Variants in EPC1 observed in about 807,000 individuals in gnomAD.
The protein encoded by EPC1 is enhancer of polycomb homolog 1.
EPC1 carries 12 observed loss-of-function variants against 98.4 expected under a neutral mutation model. The observed-to-expected ratio is 0.12, with a 90% CI of 0.08 to 0.20. The LOEUF (loss-of-function observed/expected upper bound fraction) is 0.20. Ranked by LOEUF, EPC1 falls within the 10% of genes least tolerant of loss-of-function variation. The pLI, the probability that EPC1 is intolerant of heterozygous loss-of-function variation, is 1.00. For synonymous variants in EPC1, 357 were observed against 363.9 expected, an observed-to-expected ratio of 0.98 and a Z score of 0.21; for missense variants, 729 against 990.5, an observed-to-expected ratio of 0.74 and a Z score of 3.54.
At chr10:32,362,122 C>A (rs1839460154) in intron 1 of EPC1, among the ~76,000 whole-genome samples, 1 of 152,092 alleles carries the variant, frequency 6.6e-6, no homozygotes, top group African/African-American at 2.4e-5. Flanking sequence ...TGTGGAGTAG[C>A]CATTCTTTTA....
intron 10 of EPC1, among the ~76,000 whole-genome samples, chr10:32,280,460 G>C (rs1332655048): frequency 1.4e-5 from 2 of 147,782 alleles, no homozygotes; most frequent in Non-Finnish European, 3.0e-5. Context: ...CAAAAAAAAG[G>C]CCAGGCACGG....
intron 1 of EPC1, among the ~76,000 whole-genome samples, chr10:32,308,311 A>G (rs903902236): frequency 6.6e-6 from 1 of 152,008 alleles, no homozygotes; most frequent in Non-Finnish European, 1.5e-5. Flanking sequence ...AATCGCTTGA[A>G]TCTGGGAGGC....
At chr10:32,339,925 ATGCTC>A (rs1838233508) in intron 1 of EPC1, among the ~76,000 whole-genome samples, 1 of 152,150 alleles carries the variant, frequency 6.6e-6, no homozygotes, top group African/African-American at 2.4e-5. Flanking sequence ...TGCTATTTGG[ATGCTC>A]AGAGGATATA....
chr10:32,271,939 C>T (rs575154295), intron 12 of EPC1, 22 bp from the exon 13 acceptor site: 1 of 1,605,192 alleles, frequency 6.2e-7, no homozygotes, highest in South Asian at 1.1e-5. Context: ...AAGAAAGAAA[C>T]ATCTAAACAA....
intron 6 of EPC1, among the ~76,000 whole-genome samples, chr10:32,288,528 T>G (rs1195111498): frequency 6.6e-6 from 1 of 151,908 alleles, no homozygotes; most frequent in East Asian, 2.0e-4. Flanking sequence ...TTTTTGTATT[T>G]TTAGTAGAGA....
Position 32,364,001 on chromosome 10 carries a change from C to CT in EPC1, c.3+14489_3+14490insA, listed in dbSNP as rs770520611. Among the ~76,000 whole-genome samples, 16 of 61,842 alleles carry CT rather than the reference C, an allele frequency of 2.6e-4. 7 individuals carry two copies. Among genetic ancestry groups the CT allele is most frequent in the Admixed American group, 9.7e-4 (4 of 4,118 alleles). The allele number at this position is 61,842 out of a possible 152,430, so 40.6% of individuals were successfully genotyped here. On this transcript the variant is annotated intron_variant, in intron 1 of 13. Coordinates refer to the EPC1 transcript ENST00000375110. ...AATAGTATCGTGTCCATCATGTTGG[C>CT]ATTTTTTTTTTTTTTTTTTTTTTTT...
intron 2 of EPC1, among the ~76,000 whole-genome samples, chr10:32,301,423 G>A (rs1426946096): frequency 6.6e-6 from 1 of 152,114 alleles, no homozygotes; most frequent in East Asian, 1.9e-4. Flanking sequence ...TGTAGACATA[G>A]ACAAGTTTAT....
At chr10:32,325,461 C>T (rs1837216645) in intron 1 of EPC1, among the ~76,000 whole-genome samples, 1 of 152,116 alleles carries the variant, frequency 6.6e-6, no homozygotes. Context: ...CTTTAATTTC[C>T]ACAGGAAGGG....
At chr10:32,372,093 CCT>C (rs1839766835) in intron 1 of EPC1, among the ~76,000 whole-genome samples, 1 of 152,168 alleles carries the variant, frequency 6.6e-6, no homozygotes, top group South Asian at 2.1e-4. Context: ...TGGCAGACAG[CCT>C]CTGATACTCT....
In EPC1 at chr10:32,308,707, T is replaced by C. The variant is rs1026703226; in HGVS notation, c.154-2776A>G. On this transcript the variant is annotated intron_variant, in intron 1 of 13. Transcript: ENST00000319778. ...AGAATGTAAATTAGTACAGCCACTA[T>C]GGAAAACAGTATGGAAGTCCCTCAA... 8.5e-5 allele frequency among the ~76,000 whole-genome samples: 13 copies of C among 152,282 alleles called. No individual in the cohort carries two copies. In the East Asian group the frequency reaches 1.7e-3, roughly 20 times the overall value.
intron 1 of EPC1, among the ~76,000 whole-genome samples, chr10:32,365,803 A>G (rs1166673447): frequency 2.4e-5 from 3 of 127,448 alleles, no homozygotes; most frequent in Non-Finnish European, 4.8e-5. Context: ...TGGGCAACAG[A>G]GAGAGCTCCG....
In EPC1 at chr10:32,271,794, C is replaced by T; in HGVS notation, c.2129G>A (p.Ser710Asn). 1 of 1,614,184 alleles carries T rather than the reference C, an allele frequency of 6.2e-7. No individual in the cohort carries two copies. Among genetic ancestry groups the T allele is most frequent in the Admixed American group, 1.7e-5 (1 of 60,020 alleles). Reference sequence around the variant, plus strand: ...AGCAGTTACTTGATGACTCAGTGCACTGTGGGAACTTGAAGTCTGTGTAAT... The same window carrying T: ...AGCAGTTACTTGATGACTCAGTGCATTGTGGGAACTTGAAGTCTGTGTAAT... ...SNITQTSSSH[S>N]ALSHQVTAAN... Residue 710 changes from serine (S) to asparagine (N), a missense_variant, in exon 13 of 14, where the codon AGT becomes AAT. Physicochemically the swap from Ser to Asn is conservative, Grantham distance 46. This residue lies in a region of EPC1 where 156 missense variants were observed against 188.9 expected (regional missense o/e 0.83). Transcript: ENST00000319778.
intron 1 of EPC1, among the ~76,000 whole-genome samples, chr10:32,313,068 A>C (rs1836342409): frequency 6.6e-6 from 1 of 150,928 alleles, no homozygotes; most frequent in Non-Finnish European, 1.5e-5. Context: ...GCTGGGTTTG[A>C]AACTTAGATT....
intron 1 of EPC1, among the ~76,000 whole-genome samples, chr10:32,324,399 C>T (rs1006570083): frequency 1.4e-4 from 21 of 151,296 alleles, no homozygotes; most frequent in East Asian, 8.2e-4. Flanking sequence ...TGCGTGGTGG[C>T]GGGTGCCTAT....
intron 1 of EPC1, among the ~76,000 whole-genome samples, chr10:32,311,151 A>G (rs555857503): frequency 1.3e-4 from 20 of 152,026 alleles, no homozygotes; most frequent in Non-Finnish European, 2.8e-4. Context: ...TCTACTAAAA[A>G]TACAAAAAAA....
chr10:32,288,312 C>A, intron 6 of EPC1, among the ~76,000 whole-genome samples: 1 of 124,096 alleles, frequency 8.1e-6, no homozygotes, highest in African/African-American at 3.2e-5. Context: ...TTACTTTTTT[C>A]TTTTTTTTTT....
intron 1 of EPC1, among the ~76,000 whole-genome samples, chr10:32,369,518 G>C (rs1424391406): frequency 6.6e-6 from 1 of 152,164 alleles, no homozygotes; most frequent in Non-Finnish European, 1.5e-5. Context: ...ATTTGAACAA[G>C]CTAAGAAGGC....
intron 10 of EPC1, among the ~76,000 whole-genome samples, chr10:32,273,487 A>G (rs1258614052): frequency 6.6e-6 from 1 of 152,210 alleles, no homozygotes; most frequent in Admixed American, 6.5e-5. Context: ...TTAAAGAAAA[A>G]AAAAATTAAA....
chr10:32,336,524 C>T (rs955190016), intron 1 of EPC1, among the ~76,000 whole-genome samples: 1 of 152,148 alleles, frequency 6.6e-6, no homozygotes, highest in African/African-American at 2.4e-5. Flanking sequence ...TAAATGATCA[C>T]AAATATTGAG....
Sources: gnomAD v4.1 joint callset for allele counts (sites outside exome capture counted in the v4.1 genomes callset) on GRCh38, gnomAD v4.1.1 for gene constraint, gnomAD v4.1.1 regional missense constraint, MANE v1.5 for transcripts, NCBI Gene and HGNC (gene_info 2026-07-23, HGNC 2026-07-21) for gene names.